Variants in CACNB2 observed in about 807,000 individuals in gnomAD.
CACNB2 encodes the protein calcium voltage-gated channel auxiliary subunit beta 2, also known as voltage-dependent L-type calcium channel subunit beta-2.
In CACNB2, 42 loss-of-function variants were observed where a neutral mutation model predicts 73.3. The observed-to-expected ratio is 0.57, with a 90% CI of 0.45 to 0.74. CACNB2 has a LOEUF of 0.74. Ranked by LOEUF, CACNB2 falls within the 30% of genes least tolerant of loss-of-function variation. The pLI, the probability that CACNB2 is intolerant of heterozygous loss-of-function variation, is 0.00. For missense variants in CACNB2, 940 were observed against 853.0 expected, an observed-to-expected ratio of 1.10 and a Z score of -1.27; for synonymous variants, 348 against 310.3, an observed-to-expected ratio of 1.12 and a Z score of -1.28.
intron 2 of CACNB2, among the ~76,000 whole-genome samples, chr10:18,259,570 A>AAAAAAAAAAATAAAAC (rs1554779378): frequency 8.6e-6 from 1 of 116,954 alleles, no homozygotes; most frequent in African/African-American, 3.3e-5. Flanking sequence ...CAAACAAAAA[A>AAAAAAAAAAATAAAAC]AAAAAGTAAA....
intron 2 of CACNB2, among the ~76,000 whole-genome samples, chr10:18,286,517 CAAAAAAAAAA>C (rs770589594): frequency 8.5e-4 from 49 of 57,350 alleles, no homozygotes; most frequent in Non-Finnish European, 1.5e-3. Context: ...GATTCTGTCT[CAAAAAAAAAA>C]AAAAAAAAAA....
intron 2 of CACNB2, among the ~76,000 whole-genome samples, chr10:18,334,018 T>C (rs2132032453): frequency 6.6e-6 from 1 of 152,354 alleles, no homozygotes; most frequent in East Asian, 1.9e-4. Flanking sequence ...GGTTCTCCTC[T>C]CTGCTTTCTG....
chr10:18,210,394 C>G (rs1282726829), intron 2 of CACNB2, among the ~76,000 whole-genome samples: 2 of 152,110 alleles, frequency 1.3e-5, no homozygotes, highest in Admixed American at 1.3e-4. Context: ...CTGCATACCA[C>G]TCTTTATATA....
chr10:18,426,742 A>T (rs187916933), intron 3 of CACNB2, among the ~76,000 whole-genome samples: 2 of 152,260 alleles, frequency 1.3e-5, no homozygotes, highest in Admixed American at 6.5e-5. Flanking sequence ...TAACTTTTCA[A>T]TTATTTTTCA....
In CACNB2 at chr10:18,538,217, A is replaced by G; in HGVS notation, c.1340A>G (p.Glu447Gly). ...FDVILDENQL[E>G]DACEHLADYL... ...GTGATCTTGGATGAGAACCAGCTTGAGGATGCCTGTGAGCACCTTGCCGAC... is the reference window on the plus strand; with the variant it reads ...GTGATCTTGGATGAGAACCAGCTTGGGGATGCCTGTGAGCACCTTGCCGAC... Residue 447 changes from glutamate to glycine, a missense_variant, in exon 13 of 14, where the codon GAG (glutamate) becomes GGG (glycine). Glu to Gly is a moderately conservative substitution (Grantham distance 98). Transcript: ENST00000324631. 1 of 1,614,068 alleles carries G rather than the reference A, an allele frequency of 6.2e-7. No individual in the cohort carries two copies. The highest frequency in any genetic ancestry group is 8.5e-7 in the Non-Finnish European group (1 of 1,180,008).
intron 2 of CACNB2, among the ~76,000 whole-genome samples, chr10:18,244,680 T>C (rs2036792013): frequency 6.6e-6 from 1 of 152,232 alleles, no homozygotes; most frequent in African/African-American, 2.4e-5. Context: ...GATGGCTCCC[T>C]ACCAAGCACA....
Position 18,140,675 on chromosome 10 carries a change from GC to G in CACNB2, c.-61del, listed in dbSNP as rs2130978003. On this transcript the variant is annotated 5_prime_UTR_variant, in exon 1 of 14. Coordinates refer to ENST00000324631, the MANE Select transcript of CACNB2 (RefSeq NM_201596.3). ...CCGATCAGAGCGCGGGGAGGCGGGGGCGAGGAGGAGGGGACCCGCCGCCGGG... is the reference window on the plus strand; with the variant it reads ...CCGATCAGAGCGCGGGGAGGCGGGGGGAGGAGGAGGGGACCCGCCGCCGGG... 1 of 1,428,682 alleles carries G rather than the reference GC, an allele frequency of 7.0e-7. No individual in the cohort carries two copies. Among genetic ancestry groups the G allele is most frequent in the South Asian group, 1.2e-5 (1 of 82,546 alleles). 88.5% of individuals were successfully genotyped at this position (1,428,682 alleles called of 1,614,324 possible).
At chr10:18,262,957 T>C (rs2037624130) in intron 2 of CACNB2, among the ~76,000 whole-genome samples, 1 of 152,222 alleles carries the variant, frequency 6.6e-6, no homozygotes, top group South Asian at 2.1e-4. Flanking sequence ...CATCTGCTCA[T>C]TCTCAAATAT....
intron 2 of CACNB2, 21 bp downstream of exon 2, chr10:18,150,996 G>T: frequency 7.2e-7 from 1 of 1,391,364 alleles, no homozygotes. Context: ...TAAGTTCATG[G>T]TTTTGATAAG....
intron 2 of CACNB2, among the ~76,000 whole-genome samples, chr10:18,322,046 C>T (rs1443025677): frequency 6.6e-6 from 1 of 152,066 alleles, no homozygotes. Flanking sequence ...GTCCTAGCTA[C>T]TAAAGTGGCT....
intron 3 of CACNB2, among the ~76,000 whole-genome samples, chr10:18,439,031 G>A (rs1372553930): frequency 6.6e-6 from 1 of 152,202 alleles, no homozygotes; most frequent in East Asian, 1.9e-4. Flanking sequence ...TACCCTCTTC[G>A]GTGTAGTATT....
intron 2 of CACNB2, among the ~76,000 whole-genome samples, chr10:18,227,826 A>C (rs951213340): frequency 6.6e-6 from 1 of 152,226 alleles, no homozygotes; most frequent in Non-Finnish European, 1.5e-5. Flanking sequence ...ACAGTAAATA[A>C]AGTAGGAATC....
At chr10:18,289,224 C>CA (rs1222462010) in intron 2 of CACNB2, among the ~76,000 whole-genome samples, 7 of 149,916 alleles carry the variant, frequency 4.7e-5, no homozygotes, top group Admixed American at 6.7e-5. Context: ...CCCTCCCCAG[C>CA]AAAAAAATCC....
chr10:18,160,424 C>G (rs1469067989), intron 2 of CACNB2, among the ~76,000 whole-genome samples: 1 of 152,046 alleles, frequency 6.6e-6, no homozygotes, highest in African/African-American at 2.4e-5. Flanking sequence ...ACACTTTCCA[C>G]CGATACCTCA....
intron 3 of CACNB2, among the ~76,000 whole-genome samples, chr10:18,464,047 A>T (rs975226472): frequency 6.6e-6 from 1 of 152,108 alleles, no homozygotes; most frequent in African/African-American, 2.4e-5. Flanking sequence ...ACATCGTCTT[A>T]TCTTACCCAA....
chr10:18,200,171 C>T (rs1168958830), intron 2 of CACNB2, among the ~76,000 whole-genome samples: 4 of 151,938 alleles, frequency 2.6e-5, no homozygotes, highest in Non-Finnish European at 5.9e-5. Context: ...ATACTAAATA[C>T]GTGACAACAA....
At chr10:18,184,430 T>C (rs2131231092) in intron 2 of CACNB2, among the ~76,000 whole-genome samples, 1 of 152,300 alleles carries the variant, frequency 6.6e-6, no homozygotes. Context: ...TAGACTCAGT[T>C]TCCCCTATTA....
intron 3 of CACNB2, among the ~76,000 whole-genome samples, chr10:18,490,555 T>C (rs2049351144): frequency 6.6e-6 from 1 of 152,124 alleles, no homozygotes; most frequent in Non-Finnish European, 1.5e-5. Context: ...AGACTCCAGG[T>C]CTCACACTGG....
chr10:18,185,086 A>C (rs2034089712), intron 2 of CACNB2, among the ~76,000 whole-genome samples: 1 of 151,856 alleles, frequency 6.6e-6, no homozygotes, highest in Admixed American at 6.6e-5. Context: ...CAATCCTCCC[A>C]CCTTGGCCCA....
Sources: gnomAD v4.1 joint callset for allele counts (sites outside exome capture counted in the v4.1 genomes callset) on GRCh38, gnomAD v4.1.1 for gene constraint, MANE v1.5 for transcripts, NCBI Gene and HGNC (gene_info 2026-07-23, HGNC 2026-07-21) for gene names.